Variants in LRRC37A3 observed in about 807,000 individuals in gnomAD.
LRRC37A3 encodes the protein leucine rich repeat containing 37 member A3.
Under a neutral mutation model 106.2 loss-of-function variants are expected in LRRC37A3, and 25 were observed. The observed-to-expected ratio is 0.24, with a 90% CI of 0.17 to 0.33. The LOEUF (loss-of-function observed/expected upper bound fraction) is 0.33. Among genes scored for constraint, LRRC37A3 ranks in the 10% least tolerant of loss-of-function variants. The pLI is 1.00. For missense variants in LRRC37A3, 712 were observed against 1,644.9 expected (o/e 0.43, Z 9.81); for synonymous variants, 305 against 635.8 (o/e 0.48, Z 7.83).
intron 2 of LRRC37A3, among the ~76,000 whole-genome samples, chr17:64,905,080 TATTA>T (rs1256423212): frequency 2.2e-4 from 34 of 152,048 alleles, no homozygotes; most frequent in East Asian, 1.0e-3. Flanking sequence ...TAAATAAATT[TATTA>T]ATTAATAAAT....
At chr17:64,863,185 C>T in intron 10 of LRRC37A3, 167 bp from the exon 11 acceptor site, 1 of 729,510 alleles carries the variant, frequency 1.4e-6, no homozygotes. Context: ...GACAAAAGTG[C>T]CCAACTGAAG....
chr17:64,860,029 G>T lies in LRRC37A3; in HGVS notation c.4117C>A (p.Leu1373Met). Residue 1373 changes from leucine to methionine, a missense_variant, in exon 12 of 15, where the codon CTG (leucine) becomes ATG (methionine). Leu to Met is a conservative substitution (Grantham distance 15). Transcript: ENST00000584306. Reference protein sequence around the residue: ...RDLSPQENPFLEVSAPSEHFI... With the variant: ...RDLSPQENPFMEVSAPSEHFI... ...TGTTCTGAAGGAGCAGATACTTCCAGAAAAGGATTTTCTTGAGGACTCAGG... is the reference window on the plus strand; with the variant it reads ...TGTTCTGAAGGAGCAGATACTTCCATAAAAGGATTTTCTTGAGGACTCAGG... The T allele has an allele frequency of 6.2e-7, 1 of 1,613,904 alleles. No homozygotes were observed.
At chr17:64,917,201 G>T (rs544391866) in intron 2 of LRRC37A3, among the ~76,000 whole-genome samples, 32 of 138,710 alleles carry the variant, frequency 2.3e-4, no homozygotes, top group Admixed American at 8.0e-4. Context: ...AGCCGAGATC[G>T]CGCCACTGCA....
chr17:64,874,381 G>C (rs537569715), intron 8 of LRRC37A3, among the ~76,000 whole-genome samples: 2 of 148,138 alleles, frequency 1.4e-5, no homozygotes, highest in African/African-American at 2.5e-5. Flanking sequence ...CAGCCGCCCC[G>C]TCTGAGAAGT....
At chr17:64,863,154 C>T (rs1281362380) in intron 10 of LRRC37A3, 136 bp from the exon 11 acceptor site, 2 of 1,180,632 alleles carry the variant, frequency 1.7e-6, no homozygotes, top group African/African-American at 3.0e-5. Flanking sequence ...GGGTAGGAAC[C>T]AGAAGGCCAA....
intron 8 of LRRC37A3, among the ~76,000 whole-genome samples, chr17:64,869,532 A>ATTTTTTTTTTT (rs1157660467): frequency 8.0e-6 from 1 of 125,120 alleles, no homozygotes; most frequent in African/African-American, 3.3e-5. Flanking sequence ...TTGTTCATCT[A>ATTTTTTTTTTT]TTTTTTTTTT....
chr17:64,910,009 G>A (rs1334498445), intron 2 of LRRC37A3: 58 of 152,074 alleles, frequency 3.8e-4, no homozygotes, highest in Non-Finnish European at 1.0e-4. Context: ...AAAATTTTCC[G>A]CTCCTTTGTA....
chr17:64,855,787 G>A, intron 14 of LRRC37A3, 53 bp downstream of exon 14: 4 of 1,608,696 alleles, frequency 2.5e-6, no homozygotes, highest in Non-Finnish European at 3.4e-6. Flanking sequence ...GGCAACAAGA[G>A]GGAAACTCCG....
At chr17:64,862,088 G>C (rs1490427639) in intron 11 of LRRC37A3, among the ~76,000 whole-genome samples, 1 of 150,778 alleles carries the variant, frequency 6.6e-6, no homozygotes, top group Non-Finnish European at 1.5e-5. Context: ...TTGGGGAGAA[G>C]GGAATAACAT....
intron 10 of LRRC37A3, 89 bp from the exon 11 acceptor site, chr17:64,863,107 GA>G (rs1335130416): frequency 4.5e-6 from 7 of 1,552,948 alleles, no homozygotes; most frequent in African/African-American, 2.7e-5. Flanking sequence ...ACAGGGGTGG[GA>G]AAAAGGTATC....
intron 2 of LRRC37A3, among the ~76,000 whole-genome samples, chr17:64,910,669 G>A (rs1207045767): frequency 4.8e-5 from 6 of 126,048 alleles, no homozygotes; most frequent in Middle Eastern, 4.0e-3. Flanking sequence ...TTTTGAGCTG[G>A]AGTCTTGCTC....
At chr17:64,909,963 GTACTT>G (rs1306128396) in intron 2 of LRRC37A3, 4 of 152,026 alleles carry the variant, frequency 2.6e-5, no homozygotes, top group African/African-American at 9.7e-5. Context: ...CAATGTATAG[GTACTT>G]TAATTAGAAT....
In LRRC37A3 at chr17:64,860,943, C is replaced by T; in HGVS notation, c.3203G>A (p.Gly1068Glu). The T allele has an allele frequency of 6.2e-7, 1 of 1,613,982 alleles. No homozygotes were observed. The change falls in exon 12 of 15, where the codon GGA becomes GAA. Residue 1068 changes from glycine to glutamate, a missense_variant. Coordinates refer to ENST00000584306, the MANE Select transcript of LRRC37A3 (RefSeq NM_199340.5). ...PEEASVGNPE[G>E]AFMKVLQARK... Reference sequence around the variant, plus strand: ...GGCTTGTAACACCTTCATGAACGCTCCTTCTGGATTCCCTACAGATGCTTC... The same window carrying T: ...GGCTTGTAACACCTTCATGAACGCTTCTTCTGGATTCCCTACAGATGCTTC...
chr17:64,881,398 T>A (rs1284392181), intron 8 of LRRC37A3, among the ~76,000 whole-genome samples: 1 of 139,950 alleles, frequency 7.1e-6, no homozygotes, highest in Non-Finnish European at 1.5e-5. Context: ...TAGATGCCCG[T>A]CCCCATGCCT....
At chr17:64,915,125 G>C (rs1201908887) in intron 2 of LRRC37A3, among the ~76,000 whole-genome samples, 3 of 152,020 alleles carry the variant, frequency 2.0e-5, no homozygotes, top group African/African-American at 7.3e-5. Context: ...TAGAACATTT[G>C]TTATCTTCCC....
At chr17:64,878,600 T>A (rs901798454) in intron 8 of LRRC37A3, among the ~76,000 whole-genome samples, 1 of 152,180 alleles carries the variant, frequency 6.6e-6, no homozygotes, top group Non-Finnish European at 1.5e-5. Context: ...CTTAAATCAT[T>A]AGGGAAATGT....
chr17:64,904,333 C>T (rs1413255198), intron 2 of LRRC37A3, among the ~76,000 whole-genome samples: 2 of 152,278 alleles, frequency 1.3e-5, no homozygotes, highest in African/African-American at 4.8e-5. Context: ...TAATTAGCCA[C>T]ATGTGGTGGC....
chr17:64,859,484 C>A lies in LRRC37A3; in HGVS notation c.4662G>T (p.Glu1554Asp), dbSNP rs1164857359. The change falls in exon 12 of 15, where the codon GAG becomes GAT. Residue 1554 changes from glutamate to aspartate, a missense_variant. By Grantham distance (45) the Glu-to-Asp change is conservative. Coordinates refer to ENST00000584306, the MANE Select transcript of LRRC37A3 (RefSeq NM_199340.5). Reference sequence around the variant, plus strand: ...TCTGTTCACTCTGGGCTTCTGTGCTCTCATTAATGTAGTTCTCAGTCTTCC... The same window carrying A: ...TCTGTTCACTCTGGGCTTCTGTGCTATCATTAATGTAGTTCTCAGTCTTCC... ...DQWKTENYINESTEAQSEQKE... is the reference protein window; with the variant it reads ...DQWKTENYINDSTEAQSEQKE... 6.2e-7 allele frequency: 1 copy of A among 1,611,492 alleles called. No individual in the cohort carries two copies. Among genetic ancestry groups the A allele is most frequent in the Admixed American group, 1.7e-5 (1 of 59,564 alleles).
At chr17:64,874,173 G>A (rs1188013265) in intron 8 of LRRC37A3, among the ~76,000 whole-genome samples, 1 of 152,250 alleles carries the variant, frequency 6.6e-6, no homozygotes. Flanking sequence ...TGAGGCTCAA[G>A]AATTGCTTGA....
Sources: allele counts gnomAD v4.1 joint callset (sites outside exome capture counted in the v4.1 genomes callset), GRCh38; gene constraint gnomAD v4.1.1; transcripts MANE v1.5; gene names NCBI Gene and HGNC (gene_info 2026-07-23, HGNC 2026-07-21).